ADGRL3: variants seen among roughly 807,000 people sequenced by gnomAD.
The protein encoded by ADGRL3 is adhesion G protein-coupled receptor L3.
A neutral mutation model predicts 153.5 loss-of-function variants in ADGRL3; 62 were observed. The ratio of observed to expected loss-of-function variants is 0.40; its 90% CI spans 0.33 to 0.50. ADGRL3 has a LOEUF of 0.50. ADGRL3 is among the 20% of genes least tolerant of loss of function. ADGRL3 has a pLI of 0.47. For missense variants in ADGRL3, 1,641 were observed against 1,859.4 expected (o/e 0.88, Z 2.16); for synonymous variants, 710 against 672.5 (o/e 1.06, Z -0.86).
chr4:61,649,791 A>G (rs1006934196), intron 5 of ADGRL3, among the ~76,000 whole-genome samples: 1 of 152,106 alleles, frequency 6.6e-6, no homozygotes, highest in African/African-American at 2.4e-5. Context: ...GACATGGTAC[A>G]TTTTCTGTAT....
At chr4:61,842,284 CCTT>C (rs2098044428) in intron 9 of ADGRL3, among the ~76,000 whole-genome samples, 1 of 151,962 alleles carries the variant, frequency 6.6e-6, no homozygotes, top group Non-Finnish European at 1.5e-5. Context: ...TCCTTACACA[CCTT>C]CTATTTTCTC....
intron 15 of ADGRL3, 108 bp downstream of exon 15, chr4:61,936,153 C>A: frequency 8.3e-7 from 1 of 1,201,800 alleles, no homozygotes; most frequent in East Asian, 2.5e-5. Flanking sequence ...TCCCCTCTTC[C>A]TCTTCCTACA....
At chr4:62,043,700 T>A (rs939295751) in intron 24 of ADGRL3, among the ~76,000 whole-genome samples, 1 of 152,002 alleles carries the variant, frequency 6.6e-6, no homozygotes, top group Admixed American at 6.6e-5. Flanking sequence ...TTTTGACCCA[T>A]AACTCAGTAA....
chr4:61,392,327 A>T (rs1259353790), intron 2 of ADGRL3, among the ~76,000 whole-genome samples: 2 of 152,030 alleles, frequency 1.3e-5, no homozygotes, highest in Non-Finnish European at 2.9e-5. Flanking sequence ...GTTTTATTCT[A>T]ATTAAAGCTC....
intron 16 of ADGRL3, among the ~76,000 whole-genome samples, chr4:61,947,387 T>A (rs189255869): frequency 6.6e-6 from 1 of 152,294 alleles, no homozygotes; most frequent in African/African-American, 2.4e-5. Context: ...AGCTCAAGTG[T>A]AGAGAACTAA....
chr4:61,337,162 C>T (rs2095695888), intron 1 of ADGRL3, among the ~76,000 whole-genome samples: 4 of 152,134 alleles, frequency 2.6e-5, no homozygotes, highest in Admixed American at 2.6e-4. Context: ...GCTTTGTCCA[C>T]AGCAGTCCTG....
rs542049620 is a variant in ADGRL3 at position 61,826,899 on chromosome 4, T to C, written c.1480+13010T>C. ...GCCTGCACGTTGTGCACATGTACCC[T>C]AGGACTTAAAGTATAATAAAAAAAA... On this transcript the variant is annotated intron_variant, in intron 9 of 26. Coordinates refer to ENST00000683033, the MANE Select transcript of ADGRL3 (RefSeq NM_001387552.1). 1.1e-3 allele frequency among the ~76,000 whole-genome samples: 153 copies of C among 141,726 alleles called. 1 individual carries two copies. Among genetic ancestry groups the C allele is most frequent in the Middle Eastern group, 3.4e-3 (1 of 292 alleles). 93.0% of individuals were successfully genotyped at this position (141,726 alleles called of 152,430 possible).
chr4:61,545,858 A>G (rs1205379889), intron 4 of ADGRL3, among the ~76,000 whole-genome samples: 2 of 148,556 alleles, frequency 1.3e-5, no homozygotes, highest in Non-Finnish European at 3.0e-5. Flanking sequence ...TGAAGTTTCA[A>G]AAATCTTTCT....
intron 9 of ADGRL3, among the ~76,000 whole-genome samples, chr4:61,868,490 G>A (rs1046770218): frequency 2.0e-5 from 3 of 152,078 alleles, no homozygotes; most frequent in African/African-American, 7.2e-5. Context: ...ATCCCTGCTT[G>A]ACATCTCTGT....
At chr4:61,645,873 CAG>C (rs2093953942) in intron 5 of ADGRL3, among the ~76,000 whole-genome samples, 2 of 152,160 alleles carry the variant, frequency 1.3e-5, no homozygotes, top group Non-Finnish European at 2.9e-5. Context: ...TAATATCCTG[CAG>C]AGTGTTTTCC....
intron 4 of ADGRL3, among the ~76,000 whole-genome samples, chr4:61,544,226 A>G (rs1452788800): frequency 1.3e-5 from 2 of 152,162 alleles, no homozygotes; most frequent in African/African-American, 4.8e-5. Flanking sequence ...TCATAGCTGC[A>G]CCCAACCTTA....
At chr4:61,206,989 T>A (rs1416009483) in intron 1 of ADGRL3, among the ~76,000 whole-genome samples, 1 of 151,248 alleles carries the variant, frequency 6.6e-6, no homozygotes, top group Non-Finnish European at 1.5e-5. Flanking sequence ...TCTCAAAAAA[T>A]AAATAAATAA....
At chr4:61,926,230 T>C (rs1189502292) in intron 13 of ADGRL3, among the ~76,000 whole-genome samples, 2 of 152,218 alleles carry the variant, frequency 1.3e-5, no homozygotes, top group East Asian at 1.9e-4. Context: ...TGGTCCATTA[T>C]TGAGCAACCC....
intron 1 of ADGRL3, among the ~76,000 whole-genome samples, chr4:61,221,424 G>T (rs559649829): frequency 1.3e-5 from 2 of 152,212 alleles, no homozygotes; most frequent in East Asian, 1.9e-4. Context: ...TCCTCTTCAA[G>T]AACTGCTGTT....
chr4:61,324,291 C>T (rs1354042098), intron 1 of ADGRL3, among the ~76,000 whole-genome samples: 2 of 152,164 alleles, frequency 1.3e-5, no homozygotes, highest in African/African-American at 4.8e-5. Context: ...TCTGTATACA[C>T]ATATGTACCT....
chr4:61,326,591 G>T (rs1353948586), intron 1 of ADGRL3, among the ~76,000 whole-genome samples: 5 of 145,762 alleles, frequency 3.4e-5, no homozygotes, highest in African/African-American at 1.3e-4. Context: ...AGCCAGTTAT[G>T]CCAGATAATG....
intron 1 of ADGRL3, among the ~76,000 whole-genome samples, chr4:61,268,093 T>C (rs2149727401): frequency 6.6e-6 from 1 of 151,750 alleles, no homozygotes; most frequent in East Asian, 1.9e-4. Context: ...TGACTGGTTT[T>C]CTCAAACACG....
At chr4:61,587,052 A>G (rs1014452961) in intron 4 of ADGRL3, among the ~76,000 whole-genome samples, 175 bp from the exon 5 acceptor site, 7 of 152,152 alleles carry the variant, frequency 4.6e-5, no homozygotes, top group Non-Finnish European at 7.4e-5. Flanking sequence ...ATTAGAAGAA[A>G]AATATTTATA....
At chr4:61,333,063 C>T (rs896546207) in intron 1 of ADGRL3, among the ~76,000 whole-genome samples, 10 of 151,962 alleles carry the variant, frequency 6.6e-5, no homozygotes, top group Non-Finnish European at 1.0e-4. Context: ...AAGCTGTCTC[C>T]TTACCATTTT....
Sources: allele counts gnomAD v4.1 joint callset (sites outside exome capture counted in the v4.1 genomes callset), GRCh38; gene constraint gnomAD v4.1.1; transcripts MANE v1.5; gene names NCBI Gene and HGNC (gene_info 2026-07-23, HGNC 2026-07-21).